The following SLC24A4 variants were observed in gnomAD, a reference collection of about 807,000 sequenced individuals.
The protein encoded by SLC24A4 is sodium/potassium/calcium exchanger 4.
Under a neutral mutation model 79.0 loss-of-function variants are expected in SLC24A4, and 53 were observed. That is an observed-to-expected ratio of 0.67 (90% CI 0.54 to 0.84). The LOEUF is 0.84. Ranked by LOEUF, SLC24A4 falls within the 40% of genes least tolerant of loss-of-function variation. SLC24A4 has a pLI of 0.00. For missense variants in SLC24A4, 731 were observed against 822.0 expected (o/e 0.89, Z 1.35); for synonymous variants, 323 against 323.8 (o/e 1.00, Z 0.03).
At chr14:92,328,693 G>A (rs1394332151) in intron 2 of SLC24A4, among the ~76,000 whole-genome samples, 2 of 152,238 alleles carry the variant, frequency 1.3e-5, no homozygotes, top group African/African-American at 2.4e-5. Flanking sequence ...ATATGCTGAG[G>A]CTGAGCAGCT....
intron 8 of SLC24A4, among the ~76,000 whole-genome samples, chr14:92,446,794 C>T (rs1002154095): frequency 6.6e-6 from 1 of 152,222 alleles, no homozygotes; most frequent in Non-Finnish European, 1.5e-5. Flanking sequence ...GAAATCCCCA[C>T]TGCTAATGGG....
chr14:92,377,177 C>A (rs1358115401), intron 2 of SLC24A4, among the ~76,000 whole-genome samples: 1 of 152,238 alleles, frequency 6.6e-6, no homozygotes, highest in African/African-American at 2.4e-5. Context: ...GAACTTGGAT[C>A]TGCCTCACTG....
intron 11 of SLC24A4, among the ~76,000 whole-genome samples, chr14:92,454,801 G>A (rs1172864807): frequency 3.3e-5 from 5 of 152,208 alleles, no homozygotes; most frequent in Non-Finnish European, 7.3e-5. Flanking sequence ...TCTGTAGAAA[G>A]TATATTAAGA....
In SLC24A4 at chr14:92,495,628, C is replaced by T. The variant is rs1035581220; in HGVS notation, c.*2000C>T. The T allele has an allele frequency of 2.0e-5, 3 of 152,194 alleles. No homozygotes were observed. The highest frequency in any genetic ancestry group is 1.5e-5 in the Non-Finnish European group (1 of 68,058). 9.4% of individuals were successfully genotyped at this position (152,194 alleles called of 1,614,324 possible). A position where few individuals can be genotyped will look rare whatever the true frequency, so the allele number is the denominator to read the frequency against. On this transcript the variant is annotated 3_prime_UTR_variant, in exon 17 of 17. Coordinates refer to ENST00000532405, the MANE Select transcript of SLC24A4 (RefSeq NM_153646.4). ...TGCTTCTGTCTCTGTTTTGATTCTC[C>T]AAACTGCTCTGTGATGTATGTAGGG...
intron 2 of SLC24A4, among the ~76,000 whole-genome samples, chr14:92,342,496 G>A (rs1246883666): frequency 6.6e-6 from 1 of 151,944 alleles, no homozygotes; most frequent in Admixed American, 6.6e-5. Context: ...TGATTCTCCT[G>A]CCTCAGCCTC....
chr14:92,476,632 G>A lies in SLC24A4; in HGVS notation c.1256-6048G>A, dbSNP rs555669305. Among the ~76,000 whole-genome samples, 9 of 152,106 alleles carry A rather than the reference G, an allele frequency of 5.9e-5. No homozygotes were observed. The South Asian group carries it at 1.0e-3, about 18-fold the overall frequency. On this transcript the variant is annotated intron_variant, in intron 12 of 16. Transcript: ENST00000532405. ...GTTTTTGCTATATTCACAGAGCTGC[G>A]CAGCCATCACCAATATATAATTCTA...
intron 3 of SLC24A4, among the ~76,000 whole-genome samples, chr14:92,438,226 C>A (rs1892284308): frequency 6.6e-6 from 1 of 152,210 alleles, no homozygotes; most frequent in Non-Finnish European, 1.5e-5. Context: ...CCGCTCTTTG[C>A]GCTCAATTAA....
Position 92,445,321 on chromosome 14 carries a change from T to C in SLC24A4, c.662T>C (p.Ile221Thr). The C allele has an allele frequency of 1.2e-6, 2 of 1,614,222 alleles. No individual in the cohort carries two copies. The highest frequency in any genetic ancestry group is 8.5e-7 in the Non-Finnish European group (1 of 1,180,002). Residue 221 changes from isoleucine (I) to threonine (T), a missense_variant, in exon 8 of 17, where the codon ATA (isoleucine) becomes ACA (threonine). Ile to Thr is a moderately conservative substitution (Grantham distance 89). Coordinates refer to ENST00000532405, the MANE Select transcript of SLC24A4 (RefSeq NM_153646.4). Reference protein sequence around the residue: ...TISVIVLIVFIYDEQIVWWEG... With the variant: ...TISVIVLIVFTYDEQIVWWEG... Reference sequence around the variant, plus strand: ...TCTGTTTCTTTTGCCTTACAGTTCATATATGATGAACAAATTGTGTGGTAA... The same window carrying C: ...TCTGTTTCTTTTGCCTTACAGTTCACATATGATGAACAAATTGTGTGGTAA...
chr14:92,423,231 G>A (rs375332346), intron 2 of SLC24A4, among the ~76,000 whole-genome samples: 24 of 152,024 alleles, frequency 1.6e-4, no homozygotes, highest in Admixed American at 3.3e-4. Flanking sequence ...TGCAATCTCC[G>A]CCTCCCGGGT....
chr14:92,411,085 A>G (rs1322351176), intron 2 of SLC24A4, among the ~76,000 whole-genome samples: 1 of 152,126 alleles, frequency 6.6e-6, no homozygotes, highest in East Asian at 1.9e-4. Context: ...TCTCAGTTAC[A>G]AATGAGGAAA....
intron 2 of SLC24A4, among the ~76,000 whole-genome samples, chr14:92,395,124 G>A (rs1889692123): frequency 6.6e-6 from 1 of 152,182 alleles, no homozygotes; most frequent in Admixed American, 6.5e-5. Context: ...AGAGAGGTTT[G>A]TAAATTGTCA....
chr14:92,460,490 G>T (rs1893737780), intron 12 of SLC24A4, among the ~76,000 whole-genome samples: 1 of 152,112 alleles, frequency 6.6e-6, no homozygotes, highest in Non-Finnish European at 1.5e-5. Flanking sequence ...ATCCCTGGGG[G>T]CCTGGGACGA....
intron 12 of SLC24A4, among the ~76,000 whole-genome samples, chr14:92,473,465 C>G (rs953992241): frequency 6.6e-6 from 1 of 152,224 alleles, no homozygotes; most frequent in African/African-American, 2.4e-5. Flanking sequence ...GAGCGAGATA[C>G]TCTTGGCTAG....
Position 92,372,867 on chromosome 14 carries a change from C to CCCTTCCTTCCTTCCTT in SLC24A4, c.241+46926_241+46941dup, listed in dbSNP as rs1276150058. Among the ~76,000 whole-genome samples the CCCTTCCTTCCTTCCTT allele has an allele frequency of 2.1e-3, 228 of 109,870 alleles. 5 individuals are homozygous for CCCTTCCTTCCTTCCTT. Among genetic ancestry groups the CCCTTCCTTCCTTCCTT allele is most frequent in the African/African-American group, 7.4e-3 (206 of 27,970 alleles). 72.1% of individuals were successfully genotyped at this position (109,870 alleles called of 152,430 possible). A position where few individuals can be genotyped will look rare whatever the true frequency, so the allele number is the denominator to read the frequency against. On this transcript the variant is annotated intron_variant, in intron 2 of 16. Coordinates refer to ENST00000532405, the MANE Select transcript of SLC24A4 (RefSeq NM_153646.4). ...CCTCTAGAACAGAAAGGGTCACTGT[C>CCCTTCCTTCCTTCCTT]CCTTCCTTCCTTCCTTCCTTCCTTC...
intron 10 of SLC24A4, chr14:92,452,734 G>T (rs61977297): frequency 0.11 from 16,754 of 152,368 alleles, 1,075 homozygotes; most frequent in East Asian, 0.15. Context: ...CGCACTGCGC[G>T]CCTCGTTAGA....
chr14:92,324,006 T>A, intron 1 of SLC24A4, 46 bp downstream of exon 1: 1 of 1,589,038 alleles, frequency 6.3e-7, no homozygotes, highest in South Asian at 1.1e-5. Context: ...TTGGGGGCTT[T>A]GGCTGGGGAG....
At chr14:92,388,273 ATTT>A (rs1385396909) in intron 2 of SLC24A4, among the ~76,000 whole-genome samples, 1 of 152,070 alleles carries the variant, frequency 6.6e-6, no homozygotes, top group African/African-American at 2.4e-5. Flanking sequence ...TGTGTGTGAG[ATTT>A]AAGGTGTGAC....
intron 2 of SLC24A4, among the ~76,000 whole-genome samples, chr14:92,332,480 A>G (rs775941796): frequency 1.2e-4 from 19 of 152,162 alleles, no homozygotes; most frequent in Non-Finnish European, 2.4e-4. Flanking sequence ...GCCCAGAGCA[A>G]CAGAGGGAGA....
chr14:92,491,852 C>A lies in SLC24A4; in HGVS notation c.1650+75C>A, dbSNP rs1895687874. 4.3e-6 allele frequency: 5 copies of A among 1,175,860 alleles called. No individual in the cohort carries two copies. In the Admixed American group the frequency reaches 8.9e-5, roughly 21 times the overall value. The allele number at this position is 1,175,860 out of a possible 1,614,324, so 72.8% of individuals were successfully genotyped here. The stretch of plus-strand genomic sequence containing the variant: ...GTGTTGGCCCAGTTCCAGCCAGAGG[C>A]TCTAGGAGACGACCTCCTCCTCTCC... On this transcript the variant is annotated intron_variant, in intron 15 of 16. Transcript: ENST00000532405.
Sources: allele counts gnomAD v4.1 joint callset (sites outside exome capture counted in the v4.1 genomes callset), GRCh38; gene constraint gnomAD v4.1.1; transcripts MANE v1.5; gene names NCBI Gene and HGNC (gene_info 2026-07-23, HGNC 2026-07-21).